CNTN6: variants seen among roughly 807,000 people sequenced by gnomAD.
CNTN6 encodes the protein contactin 6, also known as contactin-6.
In CNTN6, 137 loss-of-function variants were observed where a neutral mutation model predicts 122.8. The observed-to-expected ratio is 1.12, with a 90% CI of 0.97 to 1.29. CNTN6 has a LOEUF of 1.29. Among genes scored for constraint, CNTN6 ranks in the 50% most tolerant of loss-of-function variants. The pLI, the probability that CNTN6 is intolerant of heterozygous loss-of-function variation, is 0.00. For missense variants in CNTN6, 1,634 were observed against 1,223.4 expected (o/e 1.34, Z -5.01); for synonymous variants, 570 against 426.0 (o/e 1.34, Z -4.16).
chr3:1,148,392 A>G (rs948543852), intron 2 of CNTN6, among the ~76,000 whole-genome samples: 3 of 151,824 alleles, frequency 2.0e-5, no homozygotes, highest in Admixed American at 1.3e-4. Flanking sequence ...TTTATCACCA[A>G]TAAACAGTGA....
chr3:1,351,712 T>C (rs373876486), intron 11 of CNTN6, among the ~76,000 whole-genome samples: 1 of 151,938 alleles, frequency 6.6e-6, no homozygotes, highest in African/African-American at 2.4e-5. Context: ...TATTAATTCA[T>C]AATTAACCCA....
chr3:1,135,585 C>T (rs974522780), intron 1 of CNTN6, among the ~76,000 whole-genome samples: 1 of 151,964 alleles, frequency 6.6e-6, no homozygotes, highest in Non-Finnish European at 1.5e-5. Context: ...GCTACATATA[C>T]ATATACACAC....
At chr3:1,403,223 G>A (rs1695954552) in intron 22 of CNTN6, 95 bp from the exon 23 acceptor site, 1 of 690,144 alleles carries the variant, frequency 1.4e-6, no homozygotes, top group Non-Finnish European at 2.4e-6. Flanking sequence ...GTTACTAGAA[G>A]AGAAATGATA....
At chr3:1,273,402 GT>G (rs1691729112) in intron 4 of CNTN6, among the ~76,000 whole-genome samples, 1 of 152,200 alleles carries the variant, frequency 6.6e-6, no homozygotes, top group Non-Finnish European at 1.5e-5. Flanking sequence ...TAAATCTAGA[GT>G]TTTTAAAGGT....
chr3:1,196,355 C>G (rs1363373006), intron 2 of CNTN6, among the ~76,000 whole-genome samples: 1 of 152,170 alleles, frequency 6.6e-6, no homozygotes, highest in Non-Finnish European at 1.5e-5. Flanking sequence ...TCTCTGGAGC[C>G]AAGATACTTC....
intron 4 of CNTN6, among the ~76,000 whole-genome samples, chr3:1,276,985 A>C (rs1164804661): frequency 1.3e-5 from 2 of 152,286 alleles, no homozygotes; most frequent in South Asian, 4.1e-4. Context: ...GTGGATCAGG[A>C]ACATCAAAAT....
intron 2 of CNTN6, among the ~76,000 whole-genome samples, chr3:1,201,720 C>G (rs934159533): frequency 1.3e-5 from 2 of 151,996 alleles, no homozygotes; most frequent in Non-Finnish European, 2.9e-5. Flanking sequence ...ATGGAGCTAC[C>G]CAAACATTTT....
chr3:1,344,910 T>C (rs116386018), intron 11 of CNTN6, among the ~76,000 whole-genome samples: 3,779 of 152,208 alleles, frequency 0.025, 62 homozygotes, highest in South Asian at 0.039. Flanking sequence ...TAGGTTTGTT[T>C]CCTCTGGTCC....
intron 2 of CNTN6, among the ~76,000 whole-genome samples, chr3:1,192,606 C>T (rs1023716152): frequency 2.1e-4 from 32 of 151,974 alleles, no homozygotes; most frequent in Non-Finnish European, 4.0e-4. Context: ...ATAAATGGAA[C>T]CTAAGTCCAA....
At chr3:1,118,545 A>G (rs1214588712) in intron 1 of CNTN6, among the ~76,000 whole-genome samples, 1 of 152,136 alleles carries the variant, frequency 6.6e-6, no homozygotes, top group East Asian at 1.9e-4. Context: ...TTCAACTATC[A>G]TTCATCTTTA....
In CNTN6 at chr3:1,388,234, C is replaced by T. The variant is rs1052060769; in HGVS notation, c.2704+2437C>T. On this transcript the variant is annotated intron_variant, in intron 20 of 22. Coordinates refer to ENST00000446702, the MANE Select transcript of CNTN6 (RefSeq NM_001289080.2). Reference sequence around the variant, plus strand: ...AGATCTGAGAACTGGCACACTGCCTCCTCAAGTGGGTCCCTGACCCCTGAC... The same window carrying T: ...AGATCTGAGAACTGGCACACTGCCTTCTCAAGTGGGTCCCTGACCCCTGAC... Among the ~76,000 whole-genome samples, 103 of 146,282 alleles carry T rather than the reference C, an allele frequency of 7.0e-4. 2 individuals carry two copies. The highest frequency in any genetic ancestry group is 1.2e-3 in the African/African-American group (49 of 40,228).
intron 3 of CNTN6, among the ~76,000 whole-genome samples, chr3:1,222,654 G>A (rs1162299624): frequency 6.6e-6 from 1 of 151,894 alleles, no homozygotes; most frequent in Non-Finnish European, 1.5e-5. Context: ...CTAAAGACAA[G>A]TAATTTATGT....
chr3:1,200,102 G>A lies in CNTN6; in HGVS notation c.56-20585G>A, dbSNP rs189710391. Among the ~76,000 whole-genome samples, 419 of 151,964 alleles carry A rather than the reference G, an allele frequency of 2.8e-3. 4 individuals are homozygous for A. The highest frequency in any genetic ancestry group is 9.8e-3 in the African/African-American group (407 of 41,450). ...GATGAAGTCTCGCTCTGTTGCTGAG[G>A]CTGTCACTGCAATGTTCACCTCCTG... On this transcript the variant is annotated intron_variant, in intron 2 of 22. Coordinates refer to ENST00000446702, the MANE Select transcript of CNTN6 (RefSeq NM_001289080.2).
intron 1 of CNTN6, among the ~76,000 whole-genome samples, chr3:1,103,661 A>G (rs758705767): frequency 3.9e-5 from 6 of 152,232 alleles, no homozygotes; most frequent in Non-Finnish European, 5.9e-5. Context: ...AGGAAGCCAA[A>G]CAGCAGTTTT....
Position 1,129,186 on chromosome 3 carries a change from C to A in CNTN6, c.-82-18741C>A, listed in dbSNP as rs1438069990. 2.0e-5 allele frequency among the ~76,000 whole-genome samples: 3 copies of A among 152,020 alleles called. No individual in the cohort carries two copies. In the East Asian group the frequency reaches 5.8e-4, roughly 29 times the overall value. ...AGACCAGCAGCATGCTATTGTGGAA[C>A]TATAACTTTAGAGAACATCTATATG... On this transcript the variant is annotated intron_variant, in intron 1 of 22. Coordinates refer to ENST00000446702, the MANE Select transcript of CNTN6 (RefSeq NM_001289080.2).
At chr3:1,206,343 A>C (rs1422988865) in intron 2 of CNTN6, among the ~76,000 whole-genome samples, 4 of 152,122 alleles carry the variant, frequency 2.6e-5, no homozygotes, top group East Asian at 1.9e-4. Context: ...CCCCACATGC[A>C]TCAGTGTATT....
chr3:1,095,574 T>C (rs1340126821), intron 1 of CNTN6, among the ~76,000 whole-genome samples: 1 of 152,224 alleles, frequency 6.6e-6, no homozygotes, highest in African/African-American at 2.4e-5. Context: ...GAAACAACAT[T>C]GAAGAAATTG....
intron 5 of CNTN6, among the ~76,000 whole-genome samples, chr3:1,284,186 C>T (rs1188157226): frequency 2.0e-5 from 3 of 152,238 alleles, no homozygotes; most frequent in Admixed American, 2.0e-4. Context: ...GATAGCACGA[C>T]TGTCTGAGCC....
chr3:1,273,115 A>G (rs2095052895), intron 4 of CNTN6, among the ~76,000 whole-genome samples: 1 of 152,138 alleles, frequency 6.6e-6, no homozygotes, highest in Non-Finnish European at 1.5e-5. Flanking sequence ...CAATCAAACC[A>G]CAGGACATGA....
Sources: allele counts gnomAD v4.1 joint callset (sites outside exome capture counted in the v4.1 genomes callset), GRCh38; gene constraint gnomAD v4.1.1; transcripts MANE v1.5; gene names NCBI Gene and HGNC (gene_info 2026-07-23, HGNC 2026-07-21).